The following FAM184B variants were observed in gnomAD, a reference collection of about 807,000 sequenced individuals.
FAM184B encodes the protein protein FAM184B.
In FAM184B, 111 loss-of-function variants were observed where a neutral mutation model predicts 135.9. That is an observed-to-expected ratio of 0.82 (90% CI 0.70 to 0.96). The LOEUF is 0.96. Ranked by LOEUF, FAM184B falls within the 40% of genes least tolerant of loss-of-function variation. The pLI, the probability that FAM184B is intolerant of heterozygous loss-of-function variation, is 0.00. For missense variants in FAM184B, 1,375 were observed against 1,323.9 expected, an observed-to-expected ratio of 1.04 and a Z score of -0.60; for synonymous variants, 552 against 524.8, an observed-to-expected ratio of 1.05 and a Z score of -0.71.
intron 5 of FAM184B, among the ~76,000 whole-genome samples, chr4:17,693,970 A>G (rs574328669): frequency 2.0e-5 from 3 of 152,108 alleles, no homozygotes; most frequent in Non-Finnish European, 4.4e-5. Flanking sequence ...ATACATAAAT[A>G]AAATAAAATA....
intron 1 of FAM184B, among the ~76,000 whole-genome samples, chr4:17,713,649 G>A (rs1294557263): frequency 6.6e-6 from 1 of 152,206 alleles, no homozygotes; most frequent in East Asian, 1.9e-4. Context: ...ATGGGGTTCA[G>A]AGAAGTTCAG....
chr4:17,728,652 G>T (rs185222335), intron 1 of FAM184B, among the ~76,000 whole-genome samples: 1 of 152,292 alleles, frequency 6.6e-6, no homozygotes, highest in Admixed American at 6.5e-5. Context: ...TTGAGCCCAG[G>T]TGTGGAGCAG....
Position 17,688,442 on chromosome 4 carries a change from G to C in FAM184B, c.1578C>G (p.Cys526Trp). 6.5e-7 allele frequency: 1 copy of C among 1,550,116 alleles called. No homozygotes were observed. The highest frequency in any genetic ancestry group is 8.7e-7 in the Non-Finnish European group (1 of 1,146,478). ...ESPQELGRQH[C>W]SILETQDPCL... is the part of the protein sequence containing the mutation. ...AGGTTACCTGGGTCTCCAGAATGCTGCAGTGCTGGCGGCCTAATTCCTGGG... is the reference window on the plus strand; with the variant it reads ...AGGTTACCTGGGTCTCCAGAATGCTCCAGTGCTGGCGGCCTAATTCCTGGG... Residue 526 changes from cysteine (C) to tryptophan (W), a missense_variant, in exon 7 of 18, where the codon TGC becomes TGG. Cys to Trp is a radical substitution (Grantham distance 215). Transcript: ENST00000265018.
At chr4:17,763,811 G>T (rs930955939) in intron 1 of FAM184B, among the ~76,000 whole-genome samples, 1 of 152,162 alleles carries the variant, frequency 6.6e-6, no homozygotes, top group African/African-American at 2.4e-5. Flanking sequence ...GCAAGTGCAA[G>T]GAACAGCAGA....
At chr4:17,721,913 C>A (rs183298390) in intron 1 of FAM184B, among the ~76,000 whole-genome samples, 1 of 152,194 alleles carries the variant, frequency 6.6e-6, no homozygotes, top group Non-Finnish European at 1.5e-5. Flanking sequence ...TCACAAGATT[C>A]GGCCTCTTGG....
intron 12 of FAM184B, 96 bp from the exon 13 acceptor site, chr4:17,642,324 T>G: frequency 7.3e-7 from 1 of 1,378,124 alleles, no homozygotes; most frequent in South Asian, 1.6e-5. Context: ...GGAGACCCAC[T>G]GGCACCCCGC....
chr4:17,781,150 C>G lies in FAM184B; in HGVS notation c.141+9G>C. 1 of 1,536,688 alleles carries G rather than the reference C, an allele frequency of 6.5e-7. No individual in the cohort carries two copies. The highest frequency in any genetic ancestry group is 1.2e-5 in the South Asian group (1 of 81,976). On this transcript the variant is annotated intron_variant, in intron 1 of 17. Transcript: ENST00000265018. The surrounding 1 kb of genome is among the most constrained non-coding windows in gnomAD (Gnocchi z 6.5). ...GTGCAGCTCGCTGGCCCGCTGCGCC[C>G]CACCTTACCTTGGTGAGCTGGGCGA...
chr4:17,757,709 T>A (rs1337102522), intron 1 of FAM184B, among the ~76,000 whole-genome samples: 1 of 148,634 alleles, frequency 6.7e-6, no homozygotes, highest in Non-Finnish European at 1.5e-5. Context: ...CCGTATACTT[T>A]CTAATGTTAC....
chr4:17,642,030 G>A, intron 13 of FAM184B, 26 bp downstream of exon 13: 1 of 1,511,876 alleles, frequency 6.6e-7, no homozygotes, highest in South Asian at 1.2e-5. Flanking sequence ...GGGTGGCGCG[G>A]TGGCGGGGCG....
chr4:17,763,412 A>G (rs1456561229), intron 1 of FAM184B, among the ~76,000 whole-genome samples: 1 of 151,918 alleles, frequency 6.6e-6, no homozygotes, highest in Non-Finnish European at 1.5e-5. Flanking sequence ...ACAAACACAC[A>G]CACACACAGG....
At chr4:17,712,192 C>A (rs1186778851) in intron 1 of FAM184B, among the ~76,000 whole-genome samples, 1 of 152,112 alleles carries the variant, frequency 6.6e-6, no homozygotes, top group Non-Finnish European at 1.5e-5. Flanking sequence ...TTTCAAGGTG[C>A]AGCAAGATGG....
At chr4:17,647,866 T>C in intron 11 of FAM184B, 75 bp from the exon 12 acceptor site, 2 of 1,399,574 alleles carry the variant, frequency 1.4e-6, no homozygotes, top group East Asian at 2.6e-5. Context: ...CAACAGTCTC[T>C]GGGGTGGGGT....
chr4:17,705,708 G>A, intron 4 of FAM184B, 44 bp downstream of exon 4: 2 of 1,548,112 alleles, frequency 1.3e-6, no homozygotes, highest in Non-Finnish European at 1.7e-6. Context: ...AGATAGCAAA[G>A]CTCTCTGTGC....
At chr4:17,645,572 T>C (rs1348968074) in intron 12 of FAM184B, among the ~76,000 whole-genome samples, 5 of 151,748 alleles carry the variant, frequency 3.3e-5, no homozygotes, top group African/African-American at 4.8e-5. Context: ...ATACAAAAAT[T>C]AATTCAAGAT....
rs76956150 is a variant in FAM184B, at chr4:17,653,405, G to A, written c.2038-422C>T. ...GGCTGCTGTCTGTGGAGGAAGCCCA[G>A]GGCTGGTGTGCACAGCAGAGCAGAA... On this transcript the variant is annotated intron_variant, in intron 10 of 17. Transcript: ENST00000265018. Among the ~76,000 whole-genome samples the A allele has an allele frequency of 9.0e-3, 1,367 of 152,296 alleles. 23 individuals carry two copies. The highest frequency in any genetic ancestry group is 0.032 in the African/African-American group (1,320 of 41,550).
At chr4:17,703,965 A>G (rs1228101053) in intron 5 of FAM184B, among the ~76,000 whole-genome samples, 1 of 151,840 alleles carries the variant, frequency 6.6e-6, no homozygotes, top group African/African-American at 2.4e-5. Flanking sequence ...AAAAGAAATC[A>G]GGCTGCCGAG....
At chr4:17,657,268 A>G (rs1050515147) in intron 10 of FAM184B, among the ~76,000 whole-genome samples, 12 of 152,228 alleles carry the variant, frequency 7.9e-5, no homozygotes, top group Admixed American at 2.0e-4. Flanking sequence ...CAAATCTGTC[A>G]GAGAATCCAT....
chr4:17,727,649 G>A (rs1717672455), intron 1 of FAM184B, among the ~76,000 whole-genome samples: 1 of 152,140 alleles, frequency 6.6e-6, no homozygotes, highest in East Asian at 1.9e-4. Flanking sequence ...GATCTTGTGA[G>A]AACTCCTTCA....
rs79832543 is a variant in FAM184B at position 17,727,947 on chromosome 4, C to T, written c.142-18303G>A. ...AAAGACATTTGCTTAACTGTCTTTACCCCAGCAGTTGGCCATTGAGTTCTT... is the reference window on the plus strand; with the variant it reads ...AAAGACATTTGCTTAACTGTCTTTATCCCAGCAGTTGGCCATTGAGTTCTT... On this transcript the variant is annotated intron_variant, in intron 1 of 17. Transcript: ENST00000265018. Among the ~76,000 whole-genome samples the T allele has an allele frequency of 4.5e-3, 678 of 152,064 alleles. 26 individuals carry two copies. In the East Asian group the frequency reaches 0.083, roughly 19 times the overall value.
Sources: allele counts gnomAD v4.1 joint callset (sites outside exome capture counted in the v4.1 genomes callset), GRCh38; gene constraint gnomAD v4.1.1; non-coding constraint Gnocchi (gnomAD v3.1); transcripts MANE v1.5; gene names NCBI Gene and HGNC (gene_info 2026-07-23, HGNC 2026-07-21).